Variants in HIBADH observed in about 807,000 individuals in gnomAD.
The protein encoded by HIBADH is 3-hydroxyisobutyrate dehydrogenase.
HIBADH carries 25 observed loss-of-function variants against 36.1 expected under a neutral mutation model. The ratio of observed to expected loss-of-function variants is 0.69; its 90% CI spans 0.50 to 0.97. The LOEUF is 0.97. HIBADH is among the 50% of genes least tolerant of loss of function. HIBADH has a pLI of 0.00. For synonymous variants in HIBADH, 160 were observed against 149.5 expected, an observed-to-expected ratio of 1.07 and a Z score of -0.51; for missense variants, 421 against 418.0, an observed-to-expected ratio of 1.01 and a Z score of -0.06.
intron 4 of HIBADH, among the ~76,000 whole-genome samples, chr7:27,612,958 A>ATTATTTATATATATATTATATATATATT (rs1487003085): frequency 2.2e-5 from 3 of 139,236 alleles, no homozygotes; most frequent in African/African-American, 7.9e-5. Flanking sequence ...ATATATATAT[A>ATTATTTATATATATATTATATATATATT]TTATTTATAT....
At chr7:27,610,139 T>A (rs1785299723) in intron 4 of HIBADH, among the ~76,000 whole-genome samples, 1 of 152,096 alleles carries the variant, frequency 6.6e-6, no homozygotes, top group South Asian at 2.1e-4. Context: ...TTAAAATACA[T>A]AATAGTACTA....
intron 4 of HIBADH, among the ~76,000 whole-genome samples, chr7:27,572,458 C>T (rs1784643736): frequency 1.3e-5 from 2 of 152,280 alleles, no homozygotes; most frequent in South Asian, 4.1e-4. Flanking sequence ...TGCCAAGATA[C>T]TTTTAACTGT....
Position 27,632,059 on chromosome 7 carries a change from A to T in HIBADH, c.362+277T>A, listed in dbSNP as rs193052974. The stretch of plus-strand genomic sequence containing the variant: ...GTTGCAGTTTCAAATGTAAGCTTTA[A>T]AAGTCTCTTAAACATGTTACTAGTG... On this transcript the variant is annotated intron_variant, in intron 3 of 7. Transcript: ENST00000265395. 9.1e-3 allele frequency among the ~76,000 whole-genome samples: 1,381 copies of T among 152,328 alleles called. 12 individuals are homozygous for T. Among genetic ancestry groups the T allele is most frequent in the Non-Finnish European group, 0.014 (950 of 68,030 alleles).
intron 2 of HIBADH, among the ~76,000 whole-genome samples, chr7:27,642,683 G>A (rs1193985580): frequency 3.3e-5 from 4 of 121,098 alleles, no homozygotes; most frequent in South Asian, 2.6e-4. Context: ...ACGGAGTCTC[G>A]CTCTGTCGCC....
chr7:27,658,813 A>C (rs904248047), intron 1 of HIBADH, among the ~76,000 whole-genome samples: 2 of 152,206 alleles, frequency 1.3e-5, no homozygotes, highest in Admixed American at 6.5e-5. Flanking sequence ...TTATCACATA[A>C]TACTACGTCA....
chr7:27,603,953 T>C (rs1785174757), intron 4 of HIBADH, among the ~76,000 whole-genome samples: 1 of 152,124 alleles, frequency 6.6e-6, no homozygotes, highest in South Asian at 2.1e-4. Flanking sequence ...ATCCTAGCTC[T>C]CACCCCCACA....
At chr7:27,593,696 T>G (rs188761383) in intron 4 of HIBADH, among the ~76,000 whole-genome samples, 44 of 151,792 alleles carry the variant, frequency 2.9e-4, no homozygotes, top group Admixed American at 8.5e-4. Context: ...GAAAGAGAGA[T>G]AAAACTTACA....
rs565547309 is a variant in HIBADH, at chr7:27,651,307, T to C, written c.92-1674A>G. 9.2e-5 allele frequency among the ~76,000 whole-genome samples: 14 copies of C among 152,344 alleles called. No individual in the cohort carries two copies. The South Asian group carries it at 2.7e-3, about 29-fold the overall frequency. On this transcript the variant is annotated intron_variant, in intron 1 of 7. Coordinates refer to ENST00000265395, the MANE Select transcript of HIBADH (RefSeq NM_152740.4). ...CTAACACTTCCATTAAATGTGGGTG[T>C]CATTTCTGTGCAACATCATTTAACA...
chr7:27,612,329 TTTC>T (rs1785335743), intron 4 of HIBADH, among the ~76,000 whole-genome samples: 1 of 150,708 alleles, frequency 6.6e-6, no homozygotes, highest in Non-Finnish European at 1.5e-5. Flanking sequence ...TCCTTTTTTT[TTTC>T]TTTTTTTTTT....
At chr7:27,566,755 A>T (rs1784553921) in intron 4 of HIBADH, among the ~76,000 whole-genome samples, 1 of 152,128 alleles carries the variant, frequency 6.6e-6, no homozygotes, top group South Asian at 2.1e-4. Context: ...GTTCAGTTCA[A>T]AATATTTTCT....
At chr7:27,576,924 G>C (rs2128188803) in intron 4 of HIBADH, among the ~76,000 whole-genome samples, 1 of 152,176 alleles carries the variant, frequency 6.6e-6, no homozygotes, top group East Asian at 1.9e-4. Context: ...TCTATTCACT[G>C]CCTATACACA....
chr7:27,559,104 CCT>C (rs1334027626), intron 4 of HIBADH, among the ~76,000 whole-genome samples: 5 of 152,146 alleles, frequency 3.3e-5, no homozygotes, highest in African/African-American at 7.2e-5. Flanking sequence ...CTGTTTTCTC[CCT>C]GTGTCTTCCC....
Position 27,629,353 on chromosome 7 carries a change from AT to A in HIBADH, c.484+17del. 6.2e-7 allele frequency: 1 copy of A among 1,607,932 alleles called. No individual in the cohort carries two copies. Among genetic ancestry groups the A allele is most frequent in the Non-Finnish European group, 8.5e-7 (1 of 1,177,338 alleles). On this transcript the variant is annotated intron_variant, in intron 4 of 7. Coordinates refer to ENST00000265395, the MANE Select transcript of HIBADH (RefSeq NM_152740.4). ...GACAAACATAAATAGGTTTGCATAT[AT>A]TTTAGCTACCACTTACCACCAGAAA... is the stretch of plus-strand genomic sequence containing the variant.
chr7:27,613,165 ATTTATAT>A (rs1785360468), intron 4 of HIBADH, among the ~76,000 whole-genome samples: 1 of 8,782 alleles, frequency 1.1e-4, no homozygotes, highest in East Asian at 0.023. Context: ...AAATATATAT[ATTTATAT>A]AAATATATTT....
intron 4 of HIBADH, among the ~76,000 whole-genome samples, chr7:27,604,415 C>T (rs981372573): frequency 3.4e-5 from 4 of 116,284 alleles, no homozygotes; most frequent in Admixed American, 9.3e-5. Flanking sequence ...CCAGTTTACT[C>T]TATCAAATTT....
chr7:27,604,943 G>A (rs574082891), intron 4 of HIBADH, among the ~76,000 whole-genome samples: 2 of 152,214 alleles, frequency 1.3e-5, no homozygotes, highest in Non-Finnish European at 1.5e-5. Context: ...TATAAAATGA[G>A]TAGCACTAAG....
At chr7:27,526,433 G>GCTTCCTTAT (rs1783898878) in intron 7 of HIBADH, 61 bp from the exon 8 acceptor site, 17 of 1,382,574 alleles carry the variant, frequency 1.2e-5, no homozygotes, top group Admixed American at 5.2e-5. Context: ...TTGGAACTGT[G>GCTTCCTTAT]GTTCCTTATG....
At chr7:27,656,816 G>A (rs978667653) in intron 1 of HIBADH, among the ~76,000 whole-genome samples, 4 of 152,148 alleles carry the variant, frequency 2.6e-5, no homozygotes, top group Non-Finnish European at 4.4e-5. Flanking sequence ...AATAAACTAG[G>A]TAAGTTTCAT....
rs533375825 is a variant in HIBADH at position 27,607,092 on chromosome 7, T to C, written c.484+22279A>G. 3.3e-5 allele frequency among the ~76,000 whole-genome samples: 5 copies of C among 152,316 alleles called. No homozygotes were observed. The South Asian group carries it at 8.3e-4, about 25-fold the overall frequency. Reference sequence around the variant, plus strand: ...TTTCCTAACAGAGCAAAGTGCAGGATTTAAGATGTAAATGCCGAATCATGA... The same window carrying C: ...TTTCCTAACAGAGCAAAGTGCAGGACTTAAGATGTAAATGCCGAATCATGA... On this transcript the variant is annotated intron_variant, in intron 4 of 7. Transcript: ENST00000265395.
Sources: allele counts gnomAD v4.1 joint callset (sites outside exome capture counted in the v4.1 genomes callset), GRCh38; gene constraint gnomAD v4.1.1; transcripts MANE v1.5; gene names NCBI Gene and HGNC (gene_info 2026-07-23, HGNC 2026-07-21).